Variants in DHRS2 observed in about 807,000 individuals in gnomAD.
The protein encoded by DHRS2 is dehydrogenase/reductase 2, also known as dehydrogenase/reductase SDR family member 2, mitochondrial.
DHRS2 carries 29 observed loss-of-function variants against 26.3 expected under a neutral mutation model. The ratio of observed to expected loss-of-function variants is 1.10; its 90% CI spans 0.82 to 1.50. DHRS2 has a LOEUF of 1.50. DHRS2 is among the 40% of genes most tolerant of loss of function. DHRS2 has a pLI of 0.00. For synonymous variants in DHRS2, 164 were observed against 151.3 expected (o/e 1.08, Z -0.62); for missense variants, 439 against 367.1 (o/e 1.20, Z -1.60).
upstream of DHRS2, among the ~76,000 whole-genome samples, chr14:23,634,865 C>G (rs1018604903): frequency 6.6e-6 from 1 of 152,092 alleles, no homozygotes; most frequent in Non-Finnish European, 1.5e-5. Context: ...CTCATGAGAT[C>G]TGGTTGTTTG....
upstream of DHRS2, among the ~76,000 whole-genome samples, chr14:23,632,113 C>A (rs528693642): frequency 6.6e-6 from 1 of 152,230 alleles, no homozygotes; most frequent in African/African-American, 2.4e-5. Flanking sequence ...GTTACTCTAG[C>A]CTTCCAGCAG....
At chr14:23,642,475 G>C (rs768986541) in intron 4 of DHRS2, 2 of 152,482 alleles carry the variant, frequency 1.3e-5, no homozygotes, top group Non-Finnish European at 2.9e-5. Context: ...GACAAAAAAG[G>C]CTCTTCCAGA....
In DHRS2 at chr14:23,644,487, G is replaced by A. The variant is rs1255880311; in HGVS notation, c.619G>A (p.Asp207Asn). 2.5e-6 allele frequency: 4 copies of A among 1,614,118 alleles called. No individual in the cohort carries two copies. In the Admixed American group the frequency reaches 5.0e-5, roughly 20 times the overall value. The change falls in exon 7 of 9, where the codon GAC becomes AAC. Residue 207 changes from aspartate (D) to asparagine (N), a missense_variant. By Grantham distance (23) the Asp-to-Asn change is conservative (BLOSUM62 1). Transcript: ENST00000250383. ...RTLALELAPK[D>N]IRVNCVVPGI... ...ACTGGCATTGGAGCTGGCCCCCAAG[G>A]ACATCCGGGTAAACTGCGTGGTTCC... is the stretch of plus-strand genomic sequence containing the variant.
At position 23,636,468 on chromosome 14, in the gene DHRS2, A is replaced by G. The variant is rs909406137; in HGVS notation, c.-343A>G. ...TCGTTGGGTCCGTGCCACCTTTAAG[A>G]GCTGTAACACTCACCGCGAAGGTCT... On this transcript the variant is annotated 5_prime_UTR_variant, in exon 1 of 9. Coordinates refer to ENST00000250383, the MANE Select transcript of DHRS2 (RefSeq NM_005794.4). 2.0e-5 allele frequency: 3 copies of G among 152,126 alleles called. No individual in the cohort carries two copies. The highest frequency in any genetic ancestry group is 7.2e-5 in the African/African-American group (3 of 41,382). The allele number at this position is 152,126 out of a possible 1,614,324, so 9.4% of individuals were successfully genotyped here.
intron 4 of DHRS2, chr14:23,641,607 G>T (rs773455183): frequency 2.3e-5 from 30 of 1,289,040 alleles, no homozygotes; most frequent in African/African-American, 4.6e-5. Context: ...GGCTGGTTGG[G>T]GTCTGTTTTG....
rs1002088152 is a variant in DHRS2 at position 23,636,641 on chromosome 14, C to T, written c.-170C>T. On this transcript the variant is annotated 5_prime_UTR_variant, in exon 1 of 9. Coordinates refer to ENST00000250383, the MANE Select transcript of DHRS2 (RefSeq NM_005794.4). ...CAGTGAGGCCAAGAACCCATCAATT[C>T]CGTACACATTTTGGTGACTTTGAAG... 2.0e-5 allele frequency: 3 copies of T among 152,124 alleles called. No homozygotes were observed. Among genetic ancestry groups the T allele is most frequent in the Non-Finnish European group, 2.9e-5 (2 of 68,074 alleles). 9.4% of individuals were successfully genotyped at this position (152,124 alleles called of 1,614,324 possible).
intron 1 of DHRS2, among the ~76,000 whole-genome samples, chr14:23,637,439 T>G (rs1206565215): frequency 1.3e-5 from 2 of 152,176 alleles, no homozygotes; most frequent in Admixed American, 1.3e-4. Context: ...GAAGCTAGGA[T>G]AGGGGGAGCC....
intron 4 of DHRS2, chr14:23,640,294 G>C (rs1890589147): frequency 1.0e-6 from 1 of 986,234 alleles, no homozygotes; most frequent in African/African-American, 1.7e-5. Context: ...CGGATACTGT[G>C]TTTTTCTTTG....
rs772388017 is a variant in DHRS2, at chr14:23,639,216, G to A, written c.178G>A (p.Gly60Arg). 3.6e-5 allele frequency: 58 copies of A among 1,613,718 alleles called. No homozygotes were observed. The highest frequency in any genetic ancestry group is 4.5e-5 in the East Asian group (2 of 44,888). The change falls in exon 3 of 9, where the codon GGG (glycine) becomes AGG (arginine). Residue 60 changes from glycine (G) to arginine (R), a missense_variant. Coordinates refer to ENST00000250383, the MANE Select transcript of DHRS2 (RefSeq NM_005794.4). ...CATCGCCCGACGTCTGGCCCGGGAC[G>A]GGGCCCACGTGGTCATCAGCAGCCG... ...FAIARRLARD[G>R]AHVVISSRKQ...
intron 5 of DHRS2, 66 bp from the exon 6 acceptor site, chr14:23,644,045 C>G (rs1163501270): frequency 6.9e-7 from 1 of 1,457,964 alleles, no homozygotes; most frequent in Non-Finnish European, 9.6e-7. Flanking sequence ...TTAATGAACT[C>G]ATGATAGTGT....
At chr14:23,637,883 G>A (rs1224018409) in intron 1 of DHRS2, 6 of 152,172 alleles carry the variant, frequency 3.9e-5, no homozygotes, top group Non-Finnish European at 8.8e-5. Context: ...TCAGCTCTCT[G>A]TAAAATGGAC....
chr14:23,639,962 C>G, intron 4 of DHRS2, 67 bp downstream of exon 4: 1 of 1,304,702 alleles, frequency 7.7e-7, no homozygotes, highest in Non-Finnish European at 1.0e-6. Flanking sequence ...CTCCAGCATG[C>G]CTGTGCCCAC....
chr14:23,639,817 CG>C lies in DHRS2; in HGVS notation c.343del (p.Asp115ThrfsTer13). 1 of 1,609,656 alleles carries C rather than the reference CG, an allele frequency of 6.2e-7. No individual in the cohort carries two copies. The highest frequency in any genetic ancestry group is 1.1e-5 in the South Asian group (1 of 90,492). On this transcript the variant is annotated frameshift_variant, in exon 4 of 9. Coordinates refer to ENST00000250383, the MANE Select transcript of DHRS2 (RefSeq NM_005794.4). LOFTEE classifies it high-confidence loss of function. ...AGGCCCTGGAGCACTGTGGGGGCGT[CG>C]ACTTCCTGGTGTGCAGCGCAGGGGT... ...AKALEHCGGV[D>X]FLVCSAGVNP... is the part of the protein sequence containing the mutation.
At chr14:23,634,468 T>C (rs1232820516), upstream of DHRS2, among the ~76,000 whole-genome samples, 1 of 152,140 alleles carries the variant, frequency 6.6e-6, no homozygotes, top group Non-Finnish European at 1.5e-5. Context: ...TTTCTCTGTA[T>C]TTTTGTCACC....
chr14:23,639,662 C>A, intron 3 of DHRS2, 132 bp from the exon 4 acceptor site: 8 of 1,045,020 alleles, frequency 7.7e-6, no homozygotes, highest in Non-Finnish European at 1.1e-5. Context: ...AGGAGCCTGC[C>A]CTTGGGACAC....
intron 3 of DHRS2, 93 bp downstream of exon 3, chr14:23,639,449 T>G (rs1890531864): frequency 7.0e-7 from 1 of 1,431,100 alleles, no homozygotes; most frequent in Non-Finnish European, 9.2e-7. Context: ...CTAGAATATG[T>G]CCTGAGACCA....
intron 4 of DHRS2, chr14:23,640,921 C>G (rs1890630700): frequency 6.6e-6 from 1 of 152,268 alleles, no homozygotes; most frequent in East Asian, 1.9e-4. Flanking sequence ...TCTCCTAACC[C>G]TCCTGAATCA....
intron 4 of DHRS2, 191 bp downstream of exon 4, chr14:23,640,086 C>G (rs543175426): frequency 8.5e-6 from 6 of 702,580 alleles, no homozygotes; most frequent in East Asian, 7.3e-5. Context: ...CTTGTTGGTT[C>G]TTAAATCTGG....
At chr14:23,639,557 C>T (rs993565211) in intron 3 of DHRS2, among the ~76,000 whole-genome samples, 5 of 152,102 alleles carry the variant, frequency 3.3e-5, no homozygotes, top group East Asian at 1.9e-4. Context: ...CCCCCAGGCC[C>T]GGGGAGAATC....
Sources: allele counts gnomAD v4.1 joint callset (sites outside exome capture counted in the v4.1 genomes callset), GRCh38; gene constraint gnomAD v4.1.1; transcripts MANE v1.5; gene names NCBI Gene and HGNC (gene_info 2026-07-23, HGNC 2026-07-21).